PGRMC2: variants seen among roughly 807,000 people sequenced by gnomAD.
PGRMC2 encodes the protein progesterone receptor membrane component 2.
Under a neutral mutation model 19.3 loss-of-function variants are expected in PGRMC2, and 9 were observed. The ratio of observed to expected loss-of-function variants is 0.47; its 90% CI spans 0.28 to 0.81. The LOEUF (loss-of-function observed/expected upper bound fraction) is 0.81. Among genes scored for constraint, PGRMC2 ranks in the 40% least tolerant of loss-of-function variants. PGRMC2 has a pLI of 0.11. For synonymous variants in PGRMC2, 157 were observed against 124.6 expected, an observed-to-expected ratio of 1.26 and a Z score of -1.73; for missense variants, 289 against 297.3, an observed-to-expected ratio of 0.97 and a Z score of 0.21.
chr4:128,287,281 G>A (rs749972399), intron 1 of PGRMC2, 92 bp downstream of exon 1: 61 of 1,433,742 alleles, frequency 4.3e-5, no homozygotes, highest in Non-Finnish European at 5.4e-5. Flanking sequence ...AGAAGGCTGG[G>A]CAAACTAACC....
At chr4:128,282,347 A>G (rs973587382) in intron 1 of PGRMC2, among the ~76,000 whole-genome samples, 1 of 152,230 alleles carries the variant, frequency 6.6e-6, no homozygotes, top group Non-Finnish European at 1.5e-5. Flanking sequence ...TCTATGTCAG[A>G]GTGTTGAAAA....
At chr4:128,278,210 A>G (rs377723486) in intron 1 of PGRMC2, among the ~76,000 whole-genome samples, 9 of 152,244 alleles carry the variant, frequency 5.9e-5, no homozygotes, top group Non-Finnish European at 1.2e-4. Flanking sequence ...TCAAATATCT[A>G]TAAGAATTAA....
intron 2 of PGRMC2, among the ~76,000 whole-genome samples, chr4:128,272,080 A>G (rs534699850): frequency 6.6e-6 from 1 of 152,316 alleles, no homozygotes; most frequent in East Asian, 1.9e-4. Flanking sequence ...TGTAACAATC[A>G]TATTTTTATT....
At chr4:128,287,221 G>A (rs968010396) in intron 1 of PGRMC2, 152 bp downstream of exon 1, 4 of 777,968 alleles carry the variant, frequency 5.1e-6, no homozygotes, top group East Asian at 2.8e-5. Context: ...TGTAGGGGCG[G>A]GATGGGCCGT....
intron 1 of PGRMC2, among the ~76,000 whole-genome samples, chr4:128,279,906 A>T: frequency 6.6e-6 from 1 of 152,158 alleles, no homozygotes; most frequent in East Asian, 1.9e-4. Flanking sequence ...TGTGGGAAGT[A>T]GACTTATTTT....
chr4:128,275,896 CT>C (rs1760804085), intron 1 of PGRMC2, among the ~76,000 whole-genome samples: 1 of 151,946 alleles, frequency 6.6e-6, no homozygotes, highest in African/African-American at 2.4e-5. Context: ...TGCATAATTT[CT>C]TTTATTTTTT....
intron 1 of PGRMC2, among the ~76,000 whole-genome samples, chr4:128,276,123 C>G (rs1760807932): frequency 6.6e-6 from 1 of 152,158 alleles, no homozygotes; most frequent in Non-Finnish European, 1.5e-5. Context: ...AAGGAGATTT[C>G]CCTGCATTCA....
intron 1 of PGRMC2, among the ~76,000 whole-genome samples, chr4:128,284,436 C>T (rs1578887311): frequency 6.6e-6 from 1 of 152,322 alleles, no homozygotes; most frequent in African/African-American, 2.4e-5. Flanking sequence ...TCTTTCTCCT[C>T]CTGTATTCAG....
chr4:128,287,681 C>G lies in PGRMC2; in HGVS notation c.110G>C (p.Gly37Ala), dbSNP rs1356091720. Residue 37 changes from glycine to alanine, a missense_variant, in exon 1 of 3, where the codon GGG becomes GCG. Gly to Ala is a moderately conservative substitution (Grantham distance 60). Transcript: ENST00000296425. Reference sequence around the variant, plus strand: ...CAACGCCGCCGCCGCCCAGCCTCCCCCTTCCGCTGCCGCTCCCGCGTCGCC... The same window carrying G: ...CAACGCCGCCGCCGCCCAGCCTCCCGCTTCCGCTGCCGCTCCCGCGTCGCC... The part of the protein sequence containing the change: ...SPGDAGAAAE[G>A]GGWAAAALAL... 2.0e-6 allele frequency: 3 copies of G among 1,531,436 alleles called. No individual in the cohort carries two copies. Among genetic ancestry groups the G allele is most frequent in the South Asian group, 2.4e-5 (2 of 83,946 alleles). The allele number at this position is 1,531,436 out of a possible 1,614,324, so 94.9% of individuals were successfully genotyped here.
intron 1 of PGRMC2, among the ~76,000 whole-genome samples, chr4:128,278,445 G>A (rs946349656): frequency 6.6e-6 from 1 of 152,052 alleles, no homozygotes; most frequent in Non-Finnish European, 1.5e-5. Flanking sequence ...GGTGGTGGGC[G>A]CCTGTAATCC....
At chr4:128,274,905 A>G (rs1477212335) in intron 1 of PGRMC2, among the ~76,000 whole-genome samples, 1 of 152,200 alleles carries the variant, frequency 6.6e-6, no homozygotes, top group East Asian at 1.9e-4. Context: ...GAAGGGACAG[A>G]CTGCCTTCCC....
At position 128,281,428 on chromosome 4, in the gene PGRMC2, T is replaced by G. The variant is rs867086655; in HGVS notation, c.418+5945A>C. Among the ~76,000 whole-genome samples, 8 of 151,928 alleles carry G rather than the reference T, an allele frequency of 5.3e-5. No individual in the cohort carries two copies. The South Asian group carries it at 1.7e-3, about 32-fold the overall frequency. ...AGGATAGTCATCTATAGCAAAAACTTAAGGAAATCACTAAAAGGATAGAAA... is the reference window on the plus strand; with the variant it reads ...AGGATAGTCATCTATAGCAAAAACTGAAGGAAATCACTAAAAGGATAGAAA... On this transcript the variant is annotated intron_variant, in intron 1 of 2. Coordinates refer to ENST00000296425, the MANE Select transcript of PGRMC2 (RefSeq NM_006320.6).
At chr4:128,287,319 G>C (rs1460181776) in intron 1 of PGRMC2, 54 bp downstream of exon 1, 3 of 1,543,958 alleles carry the variant, frequency 1.9e-6, no homozygotes, top group Middle Eastern at 1.7e-4. Context: ...CCTGTCCGAA[G>C]GGGGTTGTGC....
At chr4:128,278,583 A>C (rs771249305) in intron 1 of PGRMC2, among the ~76,000 whole-genome samples, 4 of 151,974 alleles carry the variant, frequency 2.6e-5, no homozygotes, top group African/African-American at 7.3e-5. Flanking sequence ...AAAACAAACA[A>C]ACACCCACCA....
At chr4:128,283,844 A>C (rs1390108693) in intron 1 of PGRMC2, among the ~76,000 whole-genome samples, 1 of 152,078 alleles carries the variant, frequency 6.6e-6, no homozygotes, top group South Asian at 2.1e-4. Context: ...GTATTTTTGT[A>C]GAAACAGGGT....
rs1272181533 is a variant in PGRMC2, at chr4:128,270,332, ATT to A, written c.*982_*983del. ...AGGCAGCTGTTGGGGATAAGAGTTGATTTGTTTTTCAATTTTTTTGAAAACAG... is the reference window on the plus strand; with the variant it reads ...AGGCAGCTGTTGGGGATAAGAGTTGATGTTTTTCAATTTTTTTGAAAACAG... On this transcript the variant is annotated 3_prime_UTR_variant, in exon 3 of 3. Coordinates refer to ENST00000296425, the MANE Select transcript of PGRMC2 (RefSeq NM_006320.6). 3 of 152,598 alleles carry A rather than the reference ATT, an allele frequency of 2.0e-5. No homozygotes were observed. The highest frequency in any genetic ancestry group is 4.1e-4 in the South Asian group (2 of 4,822). The allele number at this position is 152,598 out of a possible 1,614,324, so 9.5% of individuals were successfully genotyped here.
intron 2 of PGRMC2, 46 bp from the exon 3 acceptor site, chr4:128,271,459 C>T (rs923302689): frequency 1.0e-6 from 1 of 973,626 alleles, no homozygotes; most frequent in Non-Finnish European, 1.7e-6. Flanking sequence ...AAATTTGTTT[C>T]ACTATTCCAT....
chr4:128,274,714 T>C (rs1391062353), intron 1 of PGRMC2, among the ~76,000 whole-genome samples: 1 of 151,838 alleles, frequency 6.6e-6, no homozygotes, highest in Non-Finnish European at 1.5e-5. Context: ...AAACATTATA[T>C]TTACCCTTAA....
At chr4:128,279,755 G>A (rs1760875671) in intron 1 of PGRMC2, among the ~76,000 whole-genome samples, 1 of 152,078 alleles carries the variant, frequency 6.6e-6, no homozygotes, top group Non-Finnish European at 1.5e-5. Flanking sequence ...ATATTGTGAA[G>A]GGTATGCATA....
Sources: allele counts gnomAD v4.1 joint callset (sites outside exome capture counted in the v4.1 genomes callset), GRCh38; gene constraint gnomAD v4.1.1; transcripts MANE v1.5; gene names NCBI Gene and HGNC (gene_info 2026-07-23, HGNC 2026-07-21).